TDRD6: variants seen among roughly 807,000 people sequenced by gnomAD.
The protein encoded by TDRD6 is tudor domain-containing protein 6.
TDRD6 carries 186 observed loss-of-function variants against 157.5 expected under a neutral mutation model. The observed-to-expected ratio is 1.18, with a 90% confidence interval of 1.05 to 1.33. TDRD6 has a LOEUF of 1.33. Ranked by LOEUF, TDRD6 falls within the 40% of genes most tolerant of loss-of-function variation. The probability of loss-of-function intolerance (pLI) is 0.00; values close to 1 mark genes in which losing one functional copy is unlikely to be tolerated. For synonymous variants in TDRD6, 1,075 were observed against 945.2 expected, an observed-to-expected ratio of 1.14 and a Z score of -2.52; for missense variants, 3,066 against 2,508.0, an observed-to-expected ratio of 1.22 and a Z score of -4.75.
chr6:46,689,000 C>A lies in TDRD6; in HGVS notation c.872C>A (p.Thr291Lys). The change falls in exon 1 of 4, where the codon ACG becomes AAG. Residue 291 changes from threonine to lysine, a missense_variant. Transcript: ENST00000316081. ...ATGGCCCAGGTATACCGGGGTTCCA[C>A]GGGGACAGGGGATGAGAACTCTACC... The part of the protein sequence containing the change: ...ESMAQVYRGS[T>K]GTGDENSTSA... 6.2e-7 allele frequency: 1 copy of A among 1,613,672 alleles called. No individual in the cohort carries two copies. Among genetic ancestry groups the A allele is most frequent in the Non-Finnish European group, 8.5e-7 (1 of 1,179,744 alleles).
In TDRD6 at chr6:46,690,571, C is replaced by G. The variant is rs772802461; in HGVS notation, c.2443C>G (p.Pro815Ala). The stretch of plus-strand genomic sequence containing the variant: ...GTACTATTGCAAAAATACAGCTGCT[C>G]CTCACCAGAGAAACACCCTTGCTTG... ...IQYYCKNTAA[P>A]HQRNTLACLA... Residue 815 changes from proline (P) to alanine (A), a missense_variant, in exon 1 of 4, where the codon CCT becomes GCT. Pro to Ala is a conservative substitution (Grantham distance 27, BLOSUM62 -1). Transcript: ENST00000316081. 2 of 1,614,172 alleles carry G rather than the reference C, an allele frequency of 1.2e-6. No individual in the cohort carries two copies. Among genetic ancestry groups the G allele is most frequent in the African/African-American group, 1.3e-5 (1 of 75,038 alleles).
intron 3 of TDRD6, among the ~76,000 whole-genome samples, chr6:46,699,411 C>T (rs1403567671): frequency 1.3e-5 from 2 of 152,140 alleles, no homozygotes. Flanking sequence ...GCCTATGTTG[C>T]CATAGCTGTC....
Position 46,695,876 on chromosome 6 carries a change from T to C in TDRD6, c.6102T>C (p.Val2034=), listed in dbSNP as rs61744040. Residue 2034 remains valine (V), a synonymous_variant, in exon 2 of 4, where the codon GTT becomes GTC. Coordinates refer to ENST00000316081, the MANE Select transcript of TDRD6 (RefSeq NM_001010870.3). ...CCTTTACTGTTGGATCTAAATGTGTTGTGTGGTCAAGTCTAAGAAACACAT... is the reference window on the plus strand; with the variant it reads ...CCTTTACTGTTGGATCTAAATGTGTCGTGTGGTCAAGTCTAAGAAACACAT... The part of the protein sequence containing the change: ...LKAFTVGSKC[V]VWSSLRNTWS... 1 of 1,613,688 alleles carries C rather than the reference T, an allele frequency of 6.2e-7. No homozygotes were observed. Among genetic ancestry groups the C allele is most frequent in the African/African-American group, 1.3e-5 (1 of 74,916 alleles).
rs763307056 is a variant in TDRD6, at chr6:46,688,100, G to A, written c.-29G>A. ...CCCTGAGGCGCGGCCCTTAATTTCC[G>A]GAAGTGGGGGCCGCGCCGCGCCGTC... is the stretch of plus-strand genomic sequence containing the variant. On this transcript the variant is annotated 5_prime_UTR_variant, in exon 1 of 4. Transcript: ENST00000316081. 6.2e-6 allele frequency: 9 copies of A among 1,451,454 alleles called. No individual in the cohort carries two copies. The East Asian group carries it at 1.4e-4, about 22-fold the overall frequency. 89.9% of individuals were successfully genotyped at this position (1,451,454 alleles called of 1,614,324 possible). A position where few individuals can be genotyped will look rare whatever the true frequency, so the allele number is the denominator to read the frequency against.
Position 46,693,109 on chromosome 6 carries a change from G to T in TDRD6, c.4981G>T (p.Asp1661Tyr), listed in dbSNP as rs1764389400. 6.2e-7 allele frequency: 1 copy of T among 1,613,410 alleles called. No homozygotes were observed. Among genetic ancestry groups the T allele is most frequent in the Non-Finnish European group, 8.5e-7 (1 of 1,179,852 alleles). The change falls in exon 1 of 4, where the codon GAT becomes TAT. Residue 1661 changes from aspartate to tyrosine, a missense_variant. Transcript: ENST00000316081. ...CTATTTCTATGAAATAATAACAGAA[G>T]ATGTGTTGGAAATAACAATACTAGA... The part of the protein sequence containing the change: ...NDYFYEIITE[D>Y]VLEITILEIR...
Position 46,692,298 on chromosome 6 carries a change from T to C in TDRD6, c.4170T>C (p.Tyr1390=), listed in dbSNP as rs771312500. The change falls in exon 1 of 4, where the codon TAT becomes TAC. Residue 1390 remains tyrosine, a synonymous_variant. Transcript: ENST00000316081. ...TTCTCTCTGTGCAGTTTATAGATTA[T>C]GGCAATGTTTCTGTGGTTCATACTA... The part of the protein sequence containing the change: ...NDLLSVQFID[Y]GNVSVVHTNK... The C allele has an allele frequency of 8.7e-6, 14 of 1,614,182 alleles. 1 individual carries two copies. The South Asian group carries it at 1.4e-4, about 16-fold the overall frequency.
chr6:46,684,202 T>C (rs1764031419), upstream of TDRD6, among the ~76,000 whole-genome samples: 1 of 152,204 alleles, frequency 6.6e-6, no homozygotes, highest in Admixed American at 6.5e-5. Flanking sequence ...AAATCTTAAA[T>C]TTTTAAAAGC....
At position 46,689,420 on chromosome 6, in the gene TDRD6, T is replaced by G; in HGVS notation, c.1292T>G (p.Leu431Arg). 1 of 1,613,538 alleles carries G rather than the reference T, an allele frequency of 6.2e-7. No individual in the cohort carries two copies. Among genetic ancestry groups the G allele is most frequent in the Middle Eastern group, 1.6e-4 (1 of 6,062 alleles). The change falls in exon 1 of 4, where the codon CTG becomes CGG. Residue 431 changes from leucine (L) to arginine (R), a missense_variant. Physicochemically the swap from Leu to Arg is moderately radical, Grantham distance 102. Transcript: ENST00000316081. ...VSLYGEDGIN[L>R]NRVFGVQSCC... is the part of the protein sequence containing the mutation. ...CTGTATGGAGAAGATGGGATTAATC[T>G]GAACCGTGTGTTTGGAGTACAGTCG...
In TDRD6 at chr6:46,703,088, A is replaced by G. The variant is rs1463867831; in HGVS notation, c.*1201A>G. The G allele has an allele frequency of 1.3e-5, 2 of 152,074 alleles. No homozygotes were observed. The highest frequency in any genetic ancestry group is 2.9e-5 in the Non-Finnish European group (2 of 67,962). 9.4% of individuals were successfully genotyped at this position (152,074 alleles called of 1,614,324 possible). ...CTTTCAGCATCAGCATGCGCCACCAACAAAAGACTGTAAAAAACAAACAAA... is the reference window on the plus strand; with the variant it reads ...CTTTCAGCATCAGCATGCGCCACCAGCAAAAGACTGTAAAAAACAAACAAA... On this transcript the variant is annotated 3_prime_UTR_variant, in exon 4 of 4. Coordinates refer to ENST00000316081, the MANE Select transcript of TDRD6 (RefSeq NM_001010870.3).
chr6:46,691,102 A>G lies in TDRD6; in HGVS notation c.2974A>G (p.Ile992Val), dbSNP rs539192610. ...MKIGSEELVY[I>V]THIDDPWTFY... is the part of the protein sequence containing the mutation. ...AATTGGAAGTGAAGAATTAGTTTAT[A>G]TAACGCATATTGATGACCCTTGGAC... Residue 992 changes from isoleucine (I) to valine (V), a missense_variant, in exon 1 of 4, where the codon ATA becomes GTA. By Grantham distance (29) the Ile-to-Val change is conservative. Transcript: ENST00000316081. 2.9e-5 allele frequency: 47 copies of G among 1,613,950 alleles called. No individual in the cohort carries two copies. In the South Asian group the frequency reaches 3.8e-4, roughly 13 times the overall value.
At position 46,688,321 on chromosome 6, in the gene TDRD6, G is replaced by C. The variant is rs1402781192; in HGVS notation, c.193G>C (p.Ala65Pro). The C allele has an allele frequency of 1.3e-6, 2 of 1,521,562 alleles. No homozygotes were observed. The highest frequency in any genetic ancestry group is 2.4e-5 in the South Asian group (2 of 82,458). The allele number at this position is 1,521,562 out of a possible 1,614,324, so 94.3% of individuals were successfully genotyped here. A position where few individuals can be genotyped will look rare whatever the true frequency, so the allele number is the denominator to read the frequency against. ...ATRGQWALGS[A>P]SASPGELCLV... ...GCGCGGCCAGTGGGCGCTGGGCAGC[G>C]CCTCGGCCTCGCCCGGCGAGCTGTG... The change falls in exon 1 of 4, where the codon GCC becomes CCC. Residue 65 changes from alanine to proline, a missense_variant. Transcript: ENST00000316081.
At chr6:46,685,576 A>G (rs1764070470), upstream of TDRD6, among the ~76,000 whole-genome samples, 1 of 152,116 alleles carries the variant, frequency 6.6e-6, no homozygotes, top group Non-Finnish European at 1.5e-5. Context: ...TTAGGATAAG[A>G]ATATCCTCTC....
Position 46,688,676 on chromosome 6 carries a change from A to C in TDRD6, c.548A>C (p.Glu183Ala). The change falls in exon 1 of 4, where the codon GAG becomes GCG. Residue 183 changes from glutamate to alanine, a missense_variant. Physicochemically the swap from Glu to Ala is moderately radical, Grantham distance 107. Transcript: ENST00000316081. Reference sequence around the variant, plus strand: ...CTGCTCCATCGCCTGGTCCTCCTGGAGGTGCCTGATGTGTTCCAACAGATG... The same window carrying C: ...CTGCTCCATCGCCTGGTCCTCCTGGCGGTGCCTGATGTGTTCCAACAGATG... ...VLLLHRLVLL[E>A]VPDVFQQMRE... 1 of 1,600,044 alleles carries C rather than the reference A, an allele frequency of 6.2e-7. No individual in the cohort carries two copies. The highest frequency in any genetic ancestry group is 8.5e-7 in the Non-Finnish European group (1 of 1,179,844).
At chr6:46,681,915 A>T in the TDRD6 span, among the ~76,000 whole-genome samples, 2 of 152,090 alleles carry the variant, frequency 1.3e-5, no homozygotes, top group Non-Finnish European at 2.9e-5. Flanking sequence ...GGGAATGAGG[A>T]GTTGTTTAGT....
intron 2 of TDRD6, 74 bp downstream of exon 2, chr6:46,696,019 G>C (rs1349088795): frequency 1.3e-6 from 2 of 1,514,994 alleles, no homozygotes; most frequent in Non-Finnish European, 1.8e-6. Flanking sequence ...GACTCTGTCA[G>C]ACTAGAGAAC....
upstream of TDRD6, among the ~76,000 whole-genome samples, chr6:46,685,835 A>G (rs1764078800): frequency 6.6e-6 from 1 of 152,146 alleles, no homozygotes; most frequent in African/African-American, 2.4e-5. Context: ...TAATGGGAGG[A>G]AAGTTTATTT....
At position 46,692,101 on chromosome 6, in the gene TDRD6, A is replaced by G. The variant is rs554767835; in HGVS notation, c.3973A>G (p.Ile1325Val). 37 of 1,613,382 alleles carry G rather than the reference A, an allele frequency of 2.3e-5. No homozygotes were observed. In the South Asian group the frequency reaches 3.5e-4, roughly 15 times the overall value. Residue 1325 changes from isoleucine to valine, a missense_variant, in exon 1 of 4, where the codon ATA becomes GTA. Physicochemically the swap from Ile to Val is conservative, Grantham distance 29. Coordinates refer to ENST00000316081, the MANE Select transcript of TDRD6 (RefSeq NM_001010870.3). ...NDLSDFYVQL[I>V]EDEAEISHLS... ...CCTTTCAGACTTTTATGTTCAACTAATAGAAGATGAAGCTGAAATTAGTCA... is the reference window on the plus strand; with the variant it reads ...CCTTTCAGACTTTTATGTTCAACTAGTAGAAGATGAAGCTGAAATTAGTCA...
chr6:46,691,560 CAA>C lies in TDRD6; in HGVS notation c.3433_3434del (p.Asn1145TyrfsTer4). 3 of 1,613,348 alleles carry C rather than the reference CAA, an allele frequency of 1.9e-6. No individual in the cohort carries two copies. Among genetic ancestry groups the C allele is most frequent in the Non-Finnish European group, 2.5e-6 (3 of 1,179,668 alleles). On this transcript the variant is annotated frameshift_variant, in exon 1 of 4. Transcript: ENST00000316081. LOFTEE classifies it high-confidence loss of function. ...CACTGATTATAGAACTATATGGTGA[CAA>C]TATTCAAATTAGTGCTAGTATTAAT... ...GTLIIELYGD[N>X]IQISASINKK...
chr6:46,690,061 A>G lies in TDRD6; in HGVS notation c.1933A>G (p.Ile645Val), dbSNP rs144318046. Residue 645 changes from isoleucine to valine, a missense_variant, in exon 1 of 4, where the codon ATT becomes GTT. Transcript: ENST00000316081. The part of the protein sequence containing the change: ...DKQDHQYVIE[I>V]LDESRTGEEN... ...ACAGGATCATCAATATGTTATTGAG[A>G]TTCTTGACGAATCAAGAACAGGGGA... is the stretch of plus-strand genomic sequence containing the variant. 2.2e-5 allele frequency: 36 copies of G among 1,614,104 alleles called. No homozygotes were observed. In the African/African-American group the frequency reaches 3.9e-4, roughly 17 times the overall value.
Sources: allele counts gnomAD v4.1 joint callset (sites outside exome capture counted in the v4.1 genomes callset), GRCh38; gene constraint gnomAD v4.1.1; transcripts MANE v1.5; gene names NCBI Gene and HGNC (gene_info 2026-07-23, HGNC 2026-07-21).